The following CLYBL variants were observed in gnomAD, a reference collection of about 807,000 sequenced individuals.
CLYBL encodes citramalyl-CoA lyase, mitochondrial.
In CLYBL, 31 loss-of-function variants were observed where a neutral mutation model predicts 38.9. The ratio of observed to expected loss-of-function variants is 0.80; its 90% CI spans 0.60 to 1.08. The LOEUF is 1.08. Among genes scored for constraint, CLYBL ranks in the 50% least tolerant of loss-of-function variants. The pLI is 0.00. For missense variants in CLYBL, 434 were observed against 411.6 expected, an observed-to-expected ratio of 1.05 and a Z score of -0.47; for synonymous variants, 171 against 158.6, an observed-to-expected ratio of 1.08 and a Z score of -0.59.
rs553447832 is a variant in CLYBL at position 99,799,767 on chromosome 13, A to G, written c.249+26757A>G. On this transcript the variant is annotated intron_variant, in intron 2 of 8. Coordinates refer to ENST00000339105, the MANE Select transcript of CLYBL (RefSeq NM_206808.5). The stretch of plus-strand genomic sequence containing the variant: ...AGATAATCCTGTGCAGATCCATCAC[A>G]TGTACCAAAGTGGCTAATTACGTGG... Among the ~76,000 whole-genome samples, 3 of 152,366 alleles carry G rather than the reference A, an allele frequency of 2.0e-5. No homozygotes were observed. In the South Asian group the frequency reaches 6.2e-4, roughly 32 times the overall value.
rs112153538 is a variant in CLYBL at position 99,659,946 on chromosome 13, G to C, written c.62+53189G>C. Reference sequence around the variant, plus strand: ...CGATTTCTGGGCATAATATCACCTGGATTTAAAAAACTTAATAATAAGGCC... The same window carrying C: ...CGATTTCTGGGCATAATATCACCTGCATTTAAAAAACTTAATAATAAGGCC... On this transcript the variant is annotated intron_variant, in intron 1 of 8. Coordinates refer to ENST00000339105, the MANE Select transcript of CLYBL (RefSeq NM_206808.5). 4.9e-3 allele frequency among the ~76,000 whole-genome samples: 743 copies of C among 152,194 alleles called. 11 individuals are homozygous for C. Among genetic ancestry groups the C allele is most frequent in the African/African-American group, 0.017 (696 of 41,516 alleles).
chr13:99,782,225 G>T (rs549007944), intron 2 of CLYBL, among the ~76,000 whole-genome samples: 3 of 152,010 alleles, frequency 2.0e-5, no homozygotes, highest in Non-Finnish European at 4.4e-5. Flanking sequence ...TGTCTTTATG[G>T]CCTGGGTGTG....
intron 2 of CLYBL, among the ~76,000 whole-genome samples, chr13:99,855,611 G>A (rs1177744841): frequency 6.6e-6 from 1 of 152,136 alleles, no homozygotes; most frequent in East Asian, 1.9e-4. Flanking sequence ...GGGAAAAAGA[G>A]AATAAAATGA....
intron 1 of CLYBL, among the ~76,000 whole-genome samples, chr13:99,736,026 T>C (rs1294889221): frequency 6.7e-6 from 1 of 149,548 alleles, no homozygotes; most frequent in African/African-American, 2.5e-5. Flanking sequence ...CTATATCCTA[T>C]ACGTTTCTTT....
chr13:99,832,556 A>G (rs185266901), intron 2 of CLYBL, among the ~76,000 whole-genome samples: 1 of 152,270 alleles, frequency 6.6e-6, no homozygotes, highest in Admixed American at 6.5e-5. Flanking sequence ...GAACCAGCAT[A>G]TTTAAATTTA....
chr13:99,734,459 A>C (rs557406723), intron 1 of CLYBL, among the ~76,000 whole-genome samples: 3 of 152,270 alleles, frequency 2.0e-5, no homozygotes, highest in Non-Finnish European at 4.4e-5. Context: ...AATTCATACC[A>C]AACTGACTTT....
intron 1 of CLYBL, among the ~76,000 whole-genome samples, chr13:99,763,636 C>A (rs762028128): frequency 1.3e-5 from 2 of 150,818 alleles, no homozygotes; most frequent in African/African-American, 4.9e-5. Context: ...CTCACTGCAA[C>A]CTCCGCCTCC....
In CLYBL at chr13:99,754,598, T is replaced by G. The variant is rs375400663; in HGVS notation, c.63-18226T>G. Reference sequence around the variant, plus strand: ...CTTTTTTTGTTGTTGTTGTTTTTTTTTTTGGAGACAAAGTCGCGTTCTGTA... The same window carrying G: ...CTTTTTTTGTTGTTGTTGTTTTTTTGTTTGGAGACAAAGTCGCGTTCTGTA... On this transcript the variant is annotated intron_variant, in intron 1 of 8. Coordinates refer to ENST00000339105, the MANE Select transcript of CLYBL (RefSeq NM_206808.5). 2.0e-5 allele frequency among the ~76,000 whole-genome samples: 3 copies of G among 151,608 alleles called. No homozygotes were observed. In the East Asian group the frequency reaches 5.8e-4, roughly 30 times the overall value.
chr13:99,696,415 A>G (rs1307728629), intron 1 of CLYBL, among the ~76,000 whole-genome samples: 1 of 151,804 alleles, frequency 6.6e-6, no homozygotes. Flanking sequence ...TTTTTTATAG[A>G]GACAGGGTCT....
chr13:99,709,962 C>G (rs914219500), intron 1 of CLYBL, among the ~76,000 whole-genome samples: 2 of 127,026 alleles, frequency 1.6e-5, no homozygotes, highest in African/African-American at 6.0e-5. Context: ...CTCGCTCTGT[C>G]GCCCAGTCTG....
intron 2 of CLYBL, among the ~76,000 whole-genome samples, chr13:99,801,859 A>T (rs2050142272): frequency 6.6e-6 from 1 of 152,118 alleles, no homozygotes; most frequent in East Asian, 1.9e-4. Flanking sequence ...TCTACTAAAA[A>T]TACAAAATTA....
At chr13:99,676,659 T>C (rs2047657540) in intron 1 of CLYBL, among the ~76,000 whole-genome samples, 1 of 150,860 alleles carries the variant, frequency 6.6e-6, no homozygotes, top group Non-Finnish European at 1.5e-5. Context: ...AATGGCACAA[T>C]CTCGACTTAC....
At chr13:99,877,595 A>C in intron 7 of CLYBL, 1 of 84,898 alleles carries the variant, frequency 1.2e-5, no homozygotes, top group Admixed American at 1.6e-4. Context: ...TTTTTTTTTT[A>C]AGACAGTGTC....
chr13:99,678,065 G>A (rs138340586), intron 1 of CLYBL, among the ~76,000 whole-genome samples: 5 of 152,240 alleles, frequency 3.3e-5, no homozygotes, highest in African/African-American at 9.6e-5. Context: ...ACATTTGCGC[G>A]TGTTTTCCAC....
rs1277985945 is a variant in CLYBL, at chr13:99,721,950, T to C, written c.63-50874T>C. Among the ~76,000 whole-genome samples the C allele has an allele frequency of 2.0e-5, 3 of 152,320 alleles. No individual in the cohort carries two copies. The East Asian group carries it at 5.8e-4, about 29-fold the overall frequency. ...TTTCTTCTGCAAACCAAGGCTCAGT[T>C]ATTTTAGGGTCTTGAACAAGTTTTA... is the stretch of plus-strand genomic sequence containing the variant. On this transcript the variant is annotated intron_variant, in intron 1 of 8. Coordinates refer to ENST00000339105, the MANE Select transcript of CLYBL (RefSeq NM_206808.5).
intron 4 of CLYBL, 102 bp from the exon 5 acceptor site, chr13:99,864,716 C>T: frequency 1.3e-6 from 1 of 765,956 alleles, no homozygotes. Flanking sequence ...TTCAGCCAAA[C>T]TGTGTTAAGA....
At chr13:99,625,626 G>C in intron 1 of CLYBL, among the ~76,000 whole-genome samples, 1 of 152,200 alleles carries the variant, frequency 6.6e-6, no homozygotes, top group East Asian at 1.9e-4. Context: ...ATTTCTTGCA[G>C]AACTTATTGA....
downstream of CLYBL, among the ~76,000 whole-genome samples, chr13:99,900,323 G>T (rs569374454): frequency 1.3e-5 from 2 of 152,066 alleles, no homozygotes; most frequent in African/African-American, 2.4e-5. Context: ...CACTCCCACA[G>T]CCACGTGCAT....
chr13:99,680,983 T>C (rs1383957582), intron 1 of CLYBL, among the ~76,000 whole-genome samples: 1 of 152,220 alleles, frequency 6.6e-6, no homozygotes, highest in Non-Finnish European at 1.5e-5. Flanking sequence ...ATTTGAGTTG[T>C]CCTATAAATT....
Sources: allele counts gnomAD v4.1 joint callset (sites outside exome capture counted in the v4.1 genomes callset), GRCh38; gene constraint gnomAD v4.1.1; transcripts MANE v1.5; gene names NCBI Gene and HGNC (gene_info 2026-07-23, HGNC 2026-07-21).